GGA1: variants seen among roughly 807,000 people sequenced by gnomAD.
GGA1 encodes ADP-ribosylation factor-binding protein GGA1.
A neutral mutation model predicts 76.9 loss-of-function variants in GGA1; 18 were observed. That is an observed-to-expected ratio of 0.23 (90% CI 0.16 to 0.35). The LOEUF is 0.35. Ranked by LOEUF, GGA1 falls within the 10% of genes least tolerant of loss-of-function variation. GGA1 has a pLI of 1.00. For missense variants in GGA1, 755 were observed against 859.0 expected (o/e 0.88, Z 1.51); for synonymous variants, 342 against 354.7 (o/e 0.96, Z 0.40).
intron 4 of GGA1, among the ~76,000 whole-genome samples, chr22:37,619,014 CG>C (rs1195841540): frequency 6.6e-6 from 1 of 152,210 alleles, no homozygotes; most frequent in Non-Finnish European, 1.5e-5. Flanking sequence ...TGGCTCCAGA[CG>C]GGCCATCCCC....
At chr22:37,618,281 G>A in intron 3 of GGA1, 167 bp from the exon 4 acceptor site, 3 of 589,636 alleles carry the variant, frequency 5.1e-6, no homozygotes, top group South Asian at 4.0e-5. Context: ...TGGGAGTGAT[G>A]ACCAGTCCCA....
At chr22:37,618,335 C>T in intron 3 of GGA1, 113 bp from the exon 4 acceptor site, 1 of 644,750 alleles carries the variant, frequency 1.6e-6, no homozygotes, top group Non-Finnish European at 2.8e-6. Context: ...CAGGCCATTC[C>T]CTCCCTTCTG....
At chr22:37,609,021 C>T (rs1329732636) in intron 1 of GGA1, 118 bp downstream of exon 1, 2 of 1,382,694 alleles carry the variant, frequency 1.4e-6, no homozygotes, top group Non-Finnish European at 1.9e-6. Flanking sequence ...GCCCCCGGCC[C>T]GGGAGGGGCG....
At chr22:37,620,941 G>A (rs1220250709) in intron 6 of GGA1, 28 bp downstream of exon 6, 3 of 1,388,522 alleles carry the variant, frequency 2.2e-6, no homozygotes, top group Admixed American at 1.7e-5. Context: ...CACATATGGG[G>A]ACTCTGAGCC....
In GGA1 at chr22:37,624,956, C is replaced by T. The variant is rs752239442; in HGVS notation, c.833-13C>T. 48 of 1,569,550 alleles carry T rather than the reference C, an allele frequency of 3.1e-5. No individual in the cohort carries two copies. Among genetic ancestry groups the T allele is most frequent in the Non-Finnish European group, 4.0e-5 (46 of 1,157,308 alleles). ...GTCCTTCAGCCTGGCCTCTCCCCTC[C>T]TGCCTGTTCCAGCGGAGATCCTGCA... is the stretch of plus-strand genomic sequence containing the variant. On this transcript the variant is annotated splice_polypyrimidine_tract_variant and intron_variant, in intron 9 of 16. Coordinates refer to ENST00000343632, the MANE Select transcript of GGA1 (RefSeq NM_013365.5). This position sits in a 1 kb window ranked among gnomAD's most constrained non-coding sequence, Gnocchi z 4.3.
Position 37,632,507 on chromosome 22 carries a change from C to G in GGA1, c.1801C>G (p.Pro601Ala). The G allele has an allele frequency of 1.9e-6, 3 of 1,611,746 alleles. No individual in the cohort carries two copies. The highest frequency in any genetic ancestry group is 2.5e-6 in the Non-Finnish European group (3 of 1,177,920). Residue 601 changes from proline to alanine, a missense_variant, in exon 16 of 17, where the codon CCC (proline) becomes GCC (alanine). Pro to Ala is a conservative substitution (Grantham distance 27). Transcript: ENST00000343632. The surrounding 1 kb of genome is among the most constrained non-coding windows in gnomAD (Gnocchi z 5.1). Reference protein sequence around the residue: ...AITQVLLLANPQKEKVRLRYK... With the variant: ...AITQVLLLANAQKEKVRLRYK... ...CACCCAGGTCCTGCTGCTTGCCAAC[C>G]CCCAGAAGGTAAGGGGCCCCCAGGC...
chr22:37,617,298 A>G (rs1601517227), intron 3 of GGA1: 4 of 1,294,316 alleles, frequency 3.1e-6, no homozygotes, highest in Admixed American at 4.0e-5. Context: ...TGTTCAACAC[A>G]TGGAATCAGG....
rs1930552278 is a variant in GGA1 at position 37,625,003 on chromosome 22, G to C, written c.867G>C (p.Gln289His). Residue 289 changes from glutamine to histidine, a missense_variant, in exon 10 of 17, where the codon CAG (glutamine) becomes CAC (histidine). Coordinates refer to ENST00000343632, the MANE Select transcript of GGA1 (RefSeq NM_013365.5). This position sits in a 1 kb window ranked among gnomAD's most constrained non-coding sequence, Gnocchi z 4.1. Reference sequence around the variant, plus strand: ...TGCAGGCCAATGACAACCTCACCCAGGTGATCAACCTGTATAAGCAGCTGG... The same window carrying C: ...TGCAGGCCAATGACAACCTCACCCACGTGATCAACCTGTATAAGCAGCTGG... The part of the protein sequence containing the change: ...EILQANDNLT[Q>H]VINLYKQLVR... 1 of 1,599,570 alleles carries C rather than the reference G, an allele frequency of 6.3e-7. No homozygotes were observed. Among genetic ancestry groups the C allele is most frequent in the East Asian group, 2.3e-5 (1 of 44,434 alleles).
rs530720099 is a variant in GGA1 at position 37,632,770 on chromosome 22, G to T, written c.*59G>T. ...GACCGGTCACTGTCCAGCCTGGAGGGAGGCATTGGTGGCCAAGGACACCCT... is the reference window on the plus strand; with the variant it reads ...GACCGGTCACTGTCCAGCCTGGAGGTAGGCATTGGTGGCCAAGGACACCCT... On this transcript the variant is annotated 3_prime_UTR_variant, in exon 17 of 17. Coordinates refer to ENST00000343632, the MANE Select transcript of GGA1 (RefSeq NM_013365.5). The surrounding 1 kb of genome is among the most constrained non-coding windows in gnomAD (Gnocchi z 5.1). 15 of 1,060,178 alleles carry T rather than the reference G, an allele frequency of 1.4e-5. No homozygotes were observed. Among genetic ancestry groups the T allele is most frequent in the Non-Finnish European group, 1.7e-5 (12 of 698,866 alleles). 65.7% of individuals were successfully genotyped at this position (1,060,178 alleles called of 1,614,324 possible).
Position 37,620,218 on chromosome 22 carries a change from T to G in GGA1, c.304-20T>G, listed in dbSNP as rs1273888416. On this transcript the variant is annotated intron_variant, in intron 4 of 16. Coordinates refer to ENST00000343632, the MANE Select transcript of GGA1 (RefSeq NM_013365.5). ...GTGGGGCTGGGCAGTATCAAAGGCC[T>G]CCCCACTGTGTCCCTGAAGTATCTG... 5.0e-6 allele frequency: 8 copies of G among 1,613,510 alleles called. No individual in the cohort carries two copies. The highest frequency in any genetic ancestry group is 6.8e-6 in the Non-Finnish European group (8 of 1,179,626).
chr22:37,608,893 G>A lies in GGA1; in HGVS notation c.33G>A (p.Glu11=), dbSNP rs1926899716. 4 of 1,314,800 alleles carry A rather than the reference G, an allele frequency of 3.0e-6. No homozygotes were observed. The highest frequency in any genetic ancestry group is 3.9e-6 in the Non-Finnish European group (4 of 1,031,814). 81.4% of individuals were successfully genotyped at this position (1,314,800 alleles called of 1,614,324 possible). MEPAMEPETL[E]ARINRATNPL... ...CCGCGATGGAGCCGGAGACTCTGGA[G>A]GCGCGAATCAGTGAGTGTCCGGGAG... is the stretch of plus-strand genomic sequence containing the variant. The change falls in exon 1 of 17, where the codon GAG becomes GAA. Residue 11 remains glutamate, a synonymous_variant. Coordinates refer to ENST00000343632, the MANE Select transcript of GGA1 (RefSeq NM_013365.5).
In GGA1 at chr22:37,625,957, A is replaced by G; in HGVS notation, c.1093+8A>G. 2 of 1,585,182 alleles carry G rather than the reference A, an allele frequency of 1.3e-6. No individual in the cohort carries two copies. Among genetic ancestry groups the G allele is most frequent in the South Asian group, 1.1e-5 (1 of 89,496 alleles). On this transcript the variant is annotated splice_region_variant and intron_variant, in intron 11 of 16. Coordinates refer to ENST00000343632, the MANE Select transcript of GGA1 (RefSeq NM_013365.5). The surrounding 1 kb of genome is among the most constrained non-coding windows in gnomAD (Gnocchi z 4.1). ...ACGAGCTCATGTCTCTGGGTGAGGA[A>G]GGGGCCAGGCCTGGAGGAGGGCGGG...
At chr22:37,611,973 G>A (rs1049804161) in intron 1 of GGA1, among the ~76,000 whole-genome samples, 5 of 152,024 alleles carry the variant, frequency 3.3e-5, no homozygotes, top group African/African-American at 4.8e-5. Context: ...CCAACATGGT[G>A]AAATTCCATC....
At chr22:37,627,308 AT>A (rs1436052268) in intron 11 of GGA1, 1 of 152,372 alleles carries the variant, frequency 6.6e-6, no homozygotes, top group Non-Finnish European at 1.5e-5. Flanking sequence ...GGAAAAGGAA[AT>A]GAGGACCCGG....
Position 37,620,245 on chromosome 22 carries a change from G to A in GGA1, c.311G>A (p.Gly104Asp). Reference sequence around the variant, plus strand: ...CCCACTGTGTCCCTGAAGTATCTGGGCTCTCGGACATCGGAGAAGGTGAAG... The same window carrying A: ...CCCACTGTGTCCCTGAAGTATCTGGACTCTCGGACATCGGAGAAGGTGAAG... ...LIKVVSPKYL[G>D]SRTSEKVKNK... The change falls in exon 5 of 17, where the codon GGC (glycine) becomes GAC (aspartate). Residue 104 changes from glycine (G) to aspartate (D), a missense_variant. Coordinates refer to ENST00000343632, the MANE Select transcript of GGA1 (RefSeq NM_013365.5). 6.2e-7 allele frequency: 1 copy of A among 1,614,056 alleles called. No individual in the cohort carries two copies. Among genetic ancestry groups the A allele is most frequent in the South Asian group, 1.1e-5 (1 of 91,086 alleles).
chr22:37,620,804 C>G lies in GGA1; in HGVS notation c.428-9C>G, dbSNP rs1240450919. 1 of 1,558,968 alleles carries G rather than the reference C, an allele frequency of 6.4e-7. No individual in the cohort carries two copies. The highest frequency in any genetic ancestry group is 1.1e-5 in the South Asian group (1 of 90,078). Reference sequence around the variant, plus strand: ...TATTGACAGCCTTTCTGACACTCATCTAATCCAGGGATTGTAAAGTCCGAC... The same window carrying G: ...TATTGACAGCCTTTCTGACACTCATGTAATCCAGGGATTGTAAAGTCCGAC... On this transcript the variant is annotated splice_polypyrimidine_tract_variant and intron_variant, in intron 5 of 16. Transcript: ENST00000343632.
intron 3 of GGA1, chr22:37,617,371 T>C: frequency 1.8e-6 from 2 of 1,124,338 alleles, no homozygotes; most frequent in Non-Finnish European, 2.2e-6. Context: ...TCTGCACGTT[T>C]GTAAAGCTAA....
At chr22:37,618,122 CAAA>C (rs35958963) in intron 3 of GGA1, 327 of 93,780 alleles carry the variant, frequency 3.5e-3, no homozygotes, top group East Asian at 6.7e-3. Flanking sequence ...AACTCTGTCT[CAAA>C]AAAAAAAAAA....
chr22:37,610,721 A>C (rs951132040), intron 1 of GGA1: 11 of 152,262 alleles, frequency 7.2e-5, no homozygotes, highest in Non-Finnish European at 4.4e-5. Context: ...TATTGTCAGC[A>C]CTATAGAGTG....
Sources: gnomAD v4.1 joint callset for allele counts (sites outside exome capture counted in the v4.1 genomes callset) on GRCh38, gnomAD v4.1.1 for gene constraint, Gnocchi (gnomAD v3.1) non-coding constraint, MANE v1.5 for transcripts, NCBI Gene and HGNC (gene_info 2026-07-23, HGNC 2026-07-21) for gene names.